Variants in PSMA8 observed in about 807,000 individuals in gnomAD.
PSMA8 encodes the protein proteasome 20S subunit alpha 8, also known as proteasome subunit alpha-type 8.
Under a neutral mutation model 32.4 loss-of-function variants are expected in PSMA8, and 18 were observed. The observed-to-expected ratio is 0.56, with a 90% CI of 0.38 to 0.82. PSMA8 has a LOEUF of 0.82. PSMA8 is among the 40% of genes least tolerant of loss of function. The probability of loss-of-function intolerance (pLI) is 0.00; values close to 1 mark genes in which losing one functional copy is unlikely to be tolerated. For synonymous variants in PSMA8, 104 were observed against 98.1 expected, an observed-to-expected ratio of 1.06 and a Z score of -0.36; for missense variants, 298 against 300.7, an observed-to-expected ratio of 0.99 and a Z score of 0.07.
intron 4 of PSMA8, among the ~76,000 whole-genome samples, chr18:26,166,101 C>G (rs1274926601): frequency 6.6e-6 from 1 of 151,206 alleles, no homozygotes; most frequent in Non-Finnish European, 1.5e-5. Context: ...GACTCTGTCT[C>G]AAAAAGAAAA....
intron 1 of PSMA8, among the ~76,000 whole-genome samples, chr18:26,144,297 T>TG (rs917204526): frequency 1.3e-4 from 20 of 152,320 alleles, no homozygotes; most frequent in African/African-American, 4.8e-4. Context: ...TCAGGTGTAT[T>TG]GTATGAGATT....
At position 26,163,890 on chromosome 18, in the gene PSMA8, G is replaced by A. The variant is rs555136837; in HGVS notation, c.477+5646G>A. On this transcript the variant is annotated intron_variant, in intron 4 of 6. Transcript: ENST00000415576. ...TTACAGGCTATGTTCAATAATCCAG[G>A]CAAGACCTGATTTAGATTAGAGGCA... Among the ~76,000 whole-genome samples, 3 of 152,302 alleles carry A rather than the reference G, an allele frequency of 2.0e-5. No individual in the cohort carries two copies. In the South Asian group the frequency reaches 6.2e-4, roughly 32 times the overall value.
At chr18:26,148,360 C>A (rs2055020020) in intron 2 of PSMA8, among the ~76,000 whole-genome samples, 1 of 151,696 alleles carries the variant, frequency 6.6e-6, no homozygotes, top group South Asian at 2.1e-4. Context: ...CATGGTTCAA[C>A]ATATGAAGAT....
At chr18:26,176,032 T>C (rs2055261013) in intron 4 of PSMA8, among the ~76,000 whole-genome samples, 1 of 152,150 alleles carries the variant, frequency 6.6e-6, no homozygotes, top group African/African-American at 2.4e-5. Context: ...CTAATAGTCT[T>C]TGCTGCAGAA....
intron 4 of PSMA8, among the ~76,000 whole-genome samples, chr18:26,162,054 C>A (rs997749187): frequency 6.6e-6 from 1 of 151,996 alleles, no homozygotes; most frequent in African/African-American, 2.4e-5. Context: ...TGAAAAAATT[C>A]TATATATTTA....
intron 1 of PSMA8, among the ~76,000 whole-genome samples, chr18:26,143,518 A>G (rs542707337): frequency 1.3e-5 from 2 of 152,332 alleles, no homozygotes; most frequent in South Asian, 4.1e-4. Flanking sequence ...TATAATAATC[A>G]TACAGATGCA....
At chr18:26,181,360 C>T (rs1195307489) in intron 6 of PSMA8, among the ~76,000 whole-genome samples, 2 of 152,148 alleles carry the variant, frequency 1.3e-5, no homozygotes, top group East Asian at 1.9e-4. Flanking sequence ...CTGACTGCTC[C>T]ACTGACCAGC....
At chr18:26,167,396 G>C (rs12953440) in intron 4 of PSMA8, among the ~76,000 whole-genome samples, 7,928 of 152,152 alleles carry the variant, frequency 0.052, 229 homozygotes, top group East Asian at 0.12. Context: ...TTGTAGACAG[G>C]AAGTATATTT....
At chr18:26,161,104 G>A (rs2055131414) in intron 4 of PSMA8, among the ~76,000 whole-genome samples, 1 of 152,108 alleles carries the variant, frequency 6.6e-6, no homozygotes, top group African/African-American at 2.4e-5. Flanking sequence ...GTCCAAAATG[G>A]CCAAGTGGCA....
chr18:26,185,918 G>A (rs2055348938), intron 6 of PSMA8, among the ~76,000 whole-genome samples: 1 of 150,138 alleles, frequency 6.7e-6, no homozygotes, highest in Non-Finnish European at 1.5e-5. Context: ...ATAAATCTTT[G>A]TGTGGGATAC....
rs1029267263 is a variant in PSMA8, at chr18:26,170,349, G to A, written c.478-8481G>A. 9.9e-5 allele frequency among the ~76,000 whole-genome samples: 13 copies of A among 131,692 alleles called. 1 individual carries two copies. The highest frequency in any genetic ancestry group is 1.6e-4 in the Non-Finnish European group (11 of 67,306). The allele number at this position is 131,692 out of a possible 152,430, so 86.4% of individuals were successfully genotyped here. The stretch of plus-strand genomic sequence containing the variant: ...TACAAACCTCTGGATATACACGTAG[G>A]AATCTTTTGGTATTTCCACTAGTGA... On this transcript the variant is annotated intron_variant, in intron 4 of 6. Coordinates refer to ENST00000415576, the MANE Select transcript of PSMA8 (RefSeq NM_001025096.2).
In PSMA8 at chr18:26,134,087, C is replaced by A; in HGVS notation, c.102+20C>A. The A allele has an allele frequency of 6.4e-7, 1 of 1,570,156 alleles. No homozygotes were observed. Among genetic ancestry groups the A allele is most frequent in the Non-Finnish European group, 8.8e-7 (1 of 1,140,128 alleles). On this transcript the variant is annotated intron_variant, in intron 1 of 6. Transcript: ENST00000415576. ...ACCGCGGTGAGGAAGCAACTATTAC[C>A]GGACTATTCCCCGCTCTGACCTGTC... is the stretch of plus-strand genomic sequence containing the variant.
chr18:26,163,213 G>GTATATATATA (rs58945617), intron 4 of PSMA8, among the ~76,000 whole-genome samples: 149 of 80,852 alleles, frequency 1.8e-3, no homozygotes, highest in Non-Finnish European at 2.3e-3. Context: ...ATGTGTGTGT[G>GTATATATATA]TATATATATA....
intron 6 of PSMA8, 30 bp from the exon 7 acceptor site, chr18:26,192,289 T>G: frequency 6.9e-7 from 1 of 1,439,888 alleles, no homozygotes; most frequent in Non-Finnish European, 9.2e-7. Flanking sequence ...ATAACTGACA[T>G]TTGATCTTTA....
At chr18:26,143,865 G>A (rs1314483194) in intron 1 of PSMA8, among the ~76,000 whole-genome samples, 3 of 152,044 alleles carry the variant, frequency 2.0e-5, no homozygotes, top group Non-Finnish European at 4.4e-5. Flanking sequence ...GGGACTACAG[G>A]TGCCTGCCAC....
rs138941845 is a variant in PSMA8 at position 26,154,561 on chromosome 18, A to G, written c.354+2579A>G. Among the ~76,000 whole-genome samples, 121 of 152,096 alleles carry G rather than the reference A, an allele frequency of 8.0e-4. 1 individual carries two copies. Among genetic ancestry groups the G allele is most frequent in the African/African-American group, 2.7e-3 (113 of 41,512 alleles). ...GAGAAGGCCTGGGGCTCTCCGGCAG[A>G]AGATCGATATCTCATATGCACCTTT... On this transcript the variant is annotated intron_variant, in intron 3 of 6. Coordinates refer to ENST00000415576, the MANE Select transcript of PSMA8 (RefSeq NM_001025096.2).
intron 1 of PSMA8, among the ~76,000 whole-genome samples, chr18:26,135,129 A>T (rs2054901573): frequency 6.6e-6 from 1 of 152,174 alleles, no homozygotes; most frequent in Admixed American, 6.5e-5. Flanking sequence ...CTTAAAAAAT[A>T]CTCAGGGTAG....
intron 3 of PSMA8, among the ~76,000 whole-genome samples, chr18:26,155,029 G>A (rs113882453): frequency 0.024 from 3,602 of 152,152 alleles, 148 homozygotes; most frequent in African/African-American, 0.082. Context: ...GAGCCCAGGA[G>A]TTCAAGACCA....
chr18:26,162,439 A>G (rs1174390684), intron 4 of PSMA8, among the ~76,000 whole-genome samples: 1 of 152,200 alleles, frequency 6.6e-6, no homozygotes, highest in Non-Finnish European at 1.5e-5. Context: ...CTTGGCTTAA[A>G]AGAAAATTTT....
Sources: gnomAD v4.1 joint callset for allele counts (sites outside exome capture counted in the v4.1 genomes callset) on GRCh38, gnomAD v4.1.1 for gene constraint, MANE v1.5 for transcripts, NCBI Gene and HGNC (gene_info 2026-07-23, HGNC 2026-07-21) for gene names.